DYNC2H1: variants seen among roughly 807,000 people sequenced by gnomAD.
DYNC2H1 encodes the protein dynein cytoplasmic 2 heavy chain 1, also known as cytoplasmic dynein 2 heavy chain 1.
DYNC2H1 carries 410 observed loss-of-function variants against 570.0 expected under a neutral mutation model. That is an observed-to-expected ratio of 0.72 (90% confidence interval 0.66 to 0.78). DYNC2H1 has a LOEUF of 0.78. Ranked by LOEUF, DYNC2H1 falls within the 30% of genes least tolerant of loss-of-function variation. The probability of loss-of-function intolerance (pLI) is 0.00; values close to 1 mark genes in which losing one functional copy is unlikely to be tolerated. For synonymous variants in DYNC2H1, 1,688 were observed against 1,677.6 expected (o/e 1.01, Z -0.15); for missense variants, 4,865 against 5,046.4 (o/e 0.96, Z 1.09).
intron 70 of DYNC2H1, among the ~76,000 whole-genome samples, chr11:103,269,126 ACTTT>A (rs1565448063): frequency 1.3e-5 from 2 of 152,188 alleles, no homozygotes; most frequent in Non-Finnish European, 2.9e-5. Context: ...TTCATTGCTT[ACTTT>A]GAATAATACT....
At chr11:103,191,197 G>T (rs1338139503) in intron 45 of DYNC2H1, among the ~76,000 whole-genome samples, 2 of 151,504 alleles carry the variant, frequency 1.3e-5, no homozygotes, top group Non-Finnish European at 2.9e-5. Flanking sequence ...GTGCCACCAT[G>T]CCCAGCCAAT....
At chr11:103,154,860 A>T (rs371940046) in intron 24 of DYNC2H1, 51 bp downstream of exon 24, 1 of 1,356,034 alleles carries the variant, frequency 7.4e-7, no homozygotes, top group East Asian at 2.6e-5. Flanking sequence ...TGGAGCTTTC[A>T]TCTTATGTAG....
At chr11:103,272,040 A>G (rs993042128) in intron 70 of DYNC2H1, among the ~76,000 whole-genome samples, 1 of 152,228 alleles carries the variant, frequency 6.6e-6, no homozygotes, top group Non-Finnish European at 1.5e-5. Context: ...CTAGAACTAG[A>G]AATACCATTT....
chr11:103,449,239 G>C (rs1221794409), intron 85 of DYNC2H1, among the ~76,000 whole-genome samples: 1 of 152,202 alleles, frequency 6.6e-6, no homozygotes, highest in East Asian at 1.9e-4. Flanking sequence ...GTTAGGTAGT[G>C]AGGGGCAATG....
rs1861878369 is a variant in DYNC2H1 at position 103,177,580 on chromosome 11, G to C, written c.5899G>C (p.Glu1967Gln). The C allele has an allele frequency of 3.1e-6, 5 of 1,611,522 alleles. No homozygotes were observed. Among genetic ancestry groups the C allele is most frequent in the Non-Finnish European group, 3.4e-6 (4 of 1,179,126 alleles). The change falls in exon 38 of 89, where the codon GAA (glutamate) becomes CAA (glutamine). Residue 1967 changes from glutamate (E) to glutamine (Q), a missense_variant. Physicochemically the swap from Glu to Gln is conservative, Grantham distance 29. Around this residue, in one of 5 missense-constraint regions of DYNC2H1, gnomAD observed 292 missense variants for 300.2 expected, o/e 0.97. Coordinates refer to ENST00000375735, the MANE Select transcript of DYNC2H1 (RefSeq NM_001377.3). The surrounding 1 kb of genome is among the most constrained non-coding windows in gnomAD (Gnocchi z 4.4). Reference sequence around the variant, plus strand: ...GATCAAAAAGGCTTTAGAATTGTATGAACAGTTATGCCAGAGGATGGGAGT... The same window carrying C: ...GATCAAAAAGGCTTTAGAATTGTATCAACAGTTATGCCAGAGGATGGGAGT... ...NQIKKALELY[E>Q]QLCQRMGVVI... is the part of the protein sequence containing the mutation.
At chr11:103,407,003 G>C (rs1254005871) in intron 84 of DYNC2H1, 1 of 151,864 alleles carries the variant, frequency 6.6e-6, no homozygotes, top group African/African-American at 2.4e-5. Flanking sequence ...CCAGAGTACA[G>C]GTTATTGGAA....
intron 78 of DYNC2H1, among the ~76,000 whole-genome samples, chr11:103,309,745 G>C (rs559793831): frequency 2.0e-5 from 3 of 151,958 alleles, no homozygotes; most frequent in Admixed American, 6.6e-5. Context: ...AGGGCAGGGG[G>C]TATTTTTTTT....
chr11:103,212,886 T>G (rs2135125385), intron 54 of DYNC2H1, among the ~76,000 whole-genome samples: 1 of 152,324 alleles, frequency 6.6e-6, no homozygotes, highest in East Asian at 1.9e-4. Context: ...TTTTGCAGCT[T>G]AATTGGGTCA....
Position 103,259,926 on chromosome 11 carries a change from C to T in DYNC2H1, c.10644C>T (p.Ile3548=). The change falls in exon 70 of 89, where the codon ATC becomes ATT. Residue 3548 remains isoleucine, a synonymous_variant. Coordinates refer to ENST00000375735, the MANE Select transcript of DYNC2H1 (RefSeq NM_001377.3). ...CAGAACAGAGAATCCAGTCACTTAT[C>T]AGCTCATTACAACATATGGTATATG... is the stretch of plus-strand genomic sequence containing the variant. ...ENTEQRIQSL[I]SSLQHMVYEY... is the part of the protein sequence containing the mutation. The T allele has an allele frequency of 6.5e-7, 1 of 1,547,014 alleles. No homozygotes were observed. The highest frequency in any genetic ancestry group is 8.7e-7 in the Non-Finnish European group (1 of 1,145,348).
intron 11 of DYNC2H1, among the ~76,000 whole-genome samples, chr11:103,124,686 T>C (rs1384243857): frequency 6.6e-6 from 1 of 152,134 alleles, no homozygotes; most frequent in Non-Finnish European, 1.5e-5. Context: ...CTCCTACCAT[T>C]TTGATATTCC....
chr11:103,143,487 T>C, intron 18 of DYNC2H1, 92 bp downstream of exon 18: 2 of 1,296,912 alleles, frequency 1.5e-6, no homozygotes, highest in Non-Finnish European at 2.0e-6. Flanking sequence ...TGAAGTCACA[T>C]CAGCTTCTTG....
intron 55 of DYNC2H1, among the ~76,000 whole-genome samples, chr11:103,219,603 A>G (rs1053643330): frequency 1.3e-5 from 2 of 152,042 alleles, no homozygotes; most frequent in African/African-American, 4.8e-5. Flanking sequence ...CAAGAGCAAG[A>G]CTCCATCTCA....
intron 21 of DYNC2H1, among the ~76,000 whole-genome samples, chr11:103,152,875 T>A (rs1044081162): frequency 6.6e-6 from 1 of 152,172 alleles, no homozygotes; most frequent in African/African-American, 2.4e-5. Context: ...TCTACTGCAC[T>A]CATATTTTAT....
At chr11:103,290,986 T>C (rs1866572011) in intron 75 of DYNC2H1, among the ~76,000 whole-genome samples, 1 of 152,192 alleles carries the variant, frequency 6.6e-6, no homozygotes, top group African/African-American at 2.4e-5. Context: ...TATGTGGAAT[T>C]ACATTTCTCC....
chr11:103,241,402 C>G lies in DYNC2H1; in HGVS notation c.9820-2291C>G, dbSNP rs1372342358. 2 of 745,872 alleles carry G rather than the reference C, an allele frequency of 2.7e-6. No individual in the cohort carries two copies. The highest frequency in any genetic ancestry group is 3.6e-5 in the African/African-American group (2 of 56,148). 46.2% of individuals were successfully genotyped at this position (745,872 alleles called of 1,614,324 possible). On this transcript the variant is annotated intron_variant, in intron 63 of 88. Transcript: ENST00000375735. The surrounding 1 kb of genome is among the most constrained non-coding windows in gnomAD (Gnocchi z 5.1). ...TGTACCATAGAAATCTTATCTAAAT[C>G]TGTCTGGAGACGTAAAATAAGATGA...
intron 83 of DYNC2H1, among the ~76,000 whole-genome samples, chr11:103,392,794 C>T (rs1385998663): frequency 6.6e-6 from 1 of 151,722 alleles, no homozygotes; most frequent in Non-Finnish European, 1.5e-5. Flanking sequence ...CTGTTGGTTT[C>T]CTTTAAGCAA....
intron 83 of DYNC2H1, among the ~76,000 whole-genome samples, chr11:103,382,800 A>G (rs1941710321): frequency 6.6e-6 from 1 of 152,210 alleles, no homozygotes; most frequent in African/African-American, 2.4e-5. Context: ...ATTCCTTTTG[A>G]TAATAAAAAT....
chr11:103,124,054 G>T (rs1234431315), intron 11 of DYNC2H1, among the ~76,000 whole-genome samples: 1 of 151,992 alleles, frequency 6.6e-6, no homozygotes, highest in Admixed American at 6.6e-5. Context: ...ATTATATTTT[G>T]TTTTATATGC....
chr11:103,273,323 G>C (rs1591507626), intron 70 of DYNC2H1, among the ~76,000 whole-genome samples: 1 of 151,904 alleles, frequency 6.6e-6, no homozygotes, highest in Admixed American at 6.6e-5. Context: ...CCAAATACTG[G>C]GACTACAGGC....
Sources: allele counts gnomAD v4.1 joint callset (sites outside exome capture counted in the v4.1 genomes callset), GRCh38; gene constraint gnomAD v4.1.1; regional missense constraint gnomAD v4.1.1; non-coding constraint Gnocchi (gnomAD v3.1); transcripts MANE v1.5; gene names NCBI Gene and HGNC (gene_info 2026-07-23, HGNC 2026-07-21).